Variants in CENPP observed in about 807,000 individuals in gnomAD.
CENPP encodes centromere protein P.
A neutral mutation model predicts 35.6 loss-of-function variants in CENPP; 24 were observed. That is an observed-to-expected ratio of 0.67 (90% CI 0.49 to 0.95). CENPP has a LOEUF of 0.95. CENPP is among the 40% of genes least tolerant of loss of function. CENPP has a pLI of 0.00. For missense variants in CENPP, 332 were observed against 345.3 expected, an observed-to-expected ratio of 0.96 and a Z score of 0.31; for synonymous variants, 120 against 125.5, an observed-to-expected ratio of 0.96 and a Z score of 0.29.
intron 3 of CENPP, among the ~76,000 whole-genome samples, chr9:92,338,168 C>T (rs895323332): frequency 6.6e-6 from 1 of 151,988 alleles, no homozygotes; most frequent in East Asian, 1.9e-4. Flanking sequence ...AAAAATTAGC[C>T]AGGCGTGGTG....
At chr9:92,565,027 A>G (rs991388335) in intron 5 of CENPP, among the ~76,000 whole-genome samples, 1 of 152,192 alleles carries the variant, frequency 6.6e-6, no homozygotes, top group African/African-American at 2.4e-5. Flanking sequence ...ATGATTATCA[A>G]TAGAAGATTG....
chr9:92,608,587 C>T (rs1202414931), intron 5 of CENPP, among the ~76,000 whole-genome samples: 1 of 152,210 alleles, frequency 6.6e-6, no homozygotes, highest in Non-Finnish European at 1.5e-5. Context: ...GCTTTTCCAT[C>T]TTCTCTCCCC....
In CENPP at chr9:92,619,007, C is replaced by T. The variant is rs191766730; in HGVS notation, c.*5858C>T. 3.7e-5 allele frequency: 9 copies of T among 241,560 alleles called. No homozygotes were observed. Among genetic ancestry groups the T allele is most frequent in the Admixed American group, 1.5e-4 (3 of 19,658 alleles). 15.0% of individuals were successfully genotyped at this position (241,560 alleles called of 1,614,324 possible). On this transcript the variant is annotated 3_prime_UTR_variant, in exon 8 of 8. Transcript: ENST00000375587. Reference sequence around the variant, plus strand: ...AAACTAGTGACATTAGGGAGAGGGGCGGCACATAGGCTGGTTATTCAGAAG... The same window carrying T: ...AAACTAGTGACATTAGGGAGAGGGGTGGCACATAGGCTGGTTATTCAGAAG...
chr9:92,546,838 A>G (rs1446292316), intron 5 of CENPP, among the ~76,000 whole-genome samples: 1 of 152,220 alleles, frequency 6.6e-6, no homozygotes, highest in Non-Finnish European at 1.5e-5. Flanking sequence ...CAGAAAATCT[A>G]AATTGTCTAT....
intron 5 of CENPP, among the ~76,000 whole-genome samples, chr9:92,516,518 A>C (rs1301263950): frequency 1.3e-5 from 2 of 152,240 alleles, no homozygotes; most frequent in African/African-American, 4.8e-5. Context: ...ATGTATTATA[A>C]AGTCTGTGAA....
chr9:92,611,235 G>C, intron 5 of CENPP, 79 bp from the exon 6 acceptor site: 1 of 1,179,176 alleles, frequency 8.5e-7, no homozygotes, highest in Non-Finnish European at 1.3e-6. Context: ...CAGACACCTG[G>C]AACGGTGCCC....
intron 4 of CENPP, among the ~76,000 whole-genome samples, chr9:92,362,372 A>G (rs755691732): frequency 2.0e-5 from 3 of 152,156 alleles, no homozygotes; most frequent in Non-Finnish European, 2.9e-5. Context: ...CTCTAAAAAA[A>G]AAGTTCTTTC....
Position 92,619,676 on chromosome 9 carries a change from G to T in CENPP, c.*6527G>T, listed in dbSNP as rs1360716961. ...GGAACTGCTTCCTGCCTCAGAACCT[G>T]AGGGTGGGATTAGGAGCGAGGGCCA... On this transcript the variant is annotated 3_prime_UTR_variant, in exon 8 of 8. Coordinates refer to ENST00000375587, the MANE Select transcript of CENPP (RefSeq NM_001012267.3). 3.0e-6 allele frequency: 3 copies of T among 1,014,476 alleles called. No homozygotes were observed. The East Asian group carries it at 7.9e-5, about 27-fold the overall frequency. The allele number at this position is 1,014,476 out of a possible 1,614,324, so 62.8% of individuals were successfully genotyped here.
At chr9:92,386,850 G>T (rs1842443349) in intron 5 of CENPP, among the ~76,000 whole-genome samples, 1 of 151,738 alleles carries the variant, frequency 6.6e-6, no homozygotes, top group Non-Finnish European at 1.5e-5. Context: ...CCAAAGTGCT[G>T]GGATTACAGG....
intron 5 of CENPP, chr9:92,494,011 A>T: frequency 1.3e-6 from 2 of 1,506,396 alleles, no homozygotes; most frequent in Non-Finnish European, 1.8e-6. Context: ...TGCTCGTCGC[A>T]TTGTCACCCA....
chr9:92,360,635 C>G (rs1841722177), intron 4 of CENPP, among the ~76,000 whole-genome samples: 1 of 152,122 alleles, frequency 6.6e-6, no homozygotes, highest in Non-Finnish European at 1.5e-5. Context: ...GTCATACATA[C>G]TTTAAATAAC....
chr9:92,477,493 T>C (rs1465863337), intron 5 of CENPP, among the ~76,000 whole-genome samples: 3 of 152,286 alleles, frequency 2.0e-5, no homozygotes, highest in Middle Eastern at 3.4e-3. Flanking sequence ...GCATTACAGC[T>C]CTGTCTTCTA....
intron 5 of CENPP, among the ~76,000 whole-genome samples, chr9:92,591,645 T>C (rs889639512): frequency 6.6e-6 from 1 of 151,896 alleles, no homozygotes; most frequent in Non-Finnish European, 1.5e-5. Context: ...TAACAAATCC[T>C]GGAGAATCTG....
At chr9:92,405,419 A>G (rs1472312155) in intron 5 of CENPP, among the ~76,000 whole-genome samples, 1 of 152,126 alleles carries the variant, frequency 6.6e-6, no homozygotes, top group Non-Finnish European at 1.5e-5. Context: ...AAAGAATAAC[A>G]ATTTGTTTTC....
At chr9:92,511,527 G>A (rs1847343520) in intron 5 of CENPP, among the ~76,000 whole-genome samples, 2 of 151,370 alleles carry the variant, frequency 1.3e-5, no homozygotes. Context: ...TCTTCCCCAA[G>A]CTATCCCTAA....
At chr9:92,527,065 G>C (rs187681510) in intron 5 of CENPP, among the ~76,000 whole-genome samples, 94 of 152,264 alleles carry the variant, frequency 6.2e-4, no homozygotes, top group African/African-American at 2.1e-3. Flanking sequence ...CTGGAGTGCA[G>C]TGGCACCATC....
At chr9:92,569,631 C>T (rs1588283961) in intron 5 of CENPP, among the ~76,000 whole-genome samples, 1 of 152,124 alleles carries the variant, frequency 6.6e-6, no homozygotes, top group Non-Finnish European at 1.5e-5. Flanking sequence ...TCATTGGTAA[C>T]TTGATGGGGA....
chr9:92,364,869 T>C (rs1249772966), intron 4 of CENPP, among the ~76,000 whole-genome samples: 1 of 152,134 alleles, frequency 6.6e-6, no homozygotes, highest in Non-Finnish European at 1.5e-5. Flanking sequence ...GGAGGGATAG[T>C]ATTAGCCCCA....
rs555656932 is a variant in CENPP at position 92,530,102 on chromosome 9, C to T, written c.565-81212C>T. ...ATATGTGTATTATATGCAAATACTA[C>T]ACCATTTTATATAAGGAACTTGAGC... On this transcript the variant is annotated intron_variant, in intron 5 of 7. Transcript: ENST00000375587. 6.5e-4 allele frequency among the ~76,000 whole-genome samples: 99 copies of T among 152,186 alleles called. 1 individual carries two copies. Among genetic ancestry groups the T allele is most frequent in the African/African-American group, 2.3e-3 (95 of 41,522 alleles).
Sources: gnomAD v4.1 joint callset for allele counts (sites outside exome capture counted in the v4.1 genomes callset) on GRCh38, gnomAD v4.1.1 for gene constraint, MANE v1.5 for transcripts, NCBI Gene and HGNC (gene_info 2026-07-23, HGNC 2026-07-21) for gene names.